Variants in ANGPT1 observed in about 807,000 individuals in gnomAD.
The protein encoded by ANGPT1 is angiopoietin-1.
Under a neutral mutation model 62.2 loss-of-function variants are expected in ANGPT1, and 17 were observed. That is an observed-to-expected ratio of 0.27 (90% CI 0.19 to 0.41). ANGPT1 has a LOEUF of 0.41. Among genes scored for constraint, ANGPT1 ranks in the 10% least tolerant of loss-of-function variants. The pLI is 1.00. For missense variants in ANGPT1, 478 were observed against 594.9 expected, an observed-to-expected ratio of 0.80 and a Z score of 2.04; for synonymous variants, 199 against 198.9, an observed-to-expected ratio of 1.00 and a Z score of 0.00.
At position 107,491,686 on chromosome 8, in the gene ANGPT1, G is replaced by A. The variant is rs548325322; in HGVS notation, c.297+5576C>T. On this transcript the variant is annotated intron_variant, in intron 1 of 8. Coordinates refer to ENST00000517746, the MANE Select transcript of ANGPT1 (RefSeq NM_001146.5). ...ATGTCACTTGAGTGTCTGGAATGTC[G>A]TTTGAAGGTAGTAAATGATGGGGCC... 3.3e-5 allele frequency among the ~76,000 whole-genome samples: 5 copies of A among 152,300 alleles called. No homozygotes were observed. In the South Asian group the frequency reaches 6.2e-4, roughly 19 times the overall value.
Position 107,497,910 on chromosome 8 carries a change from A to C in ANGPT1, c.-352T>G. ...CCCTTTCCTCTACCCTATCTGCTGC[A>C]GATCTGCTATTTTCTCCCAGACCTC... On this transcript the variant is annotated 5_prime_UTR_variant, in exon 1 of 9. Coordinates refer to ENST00000517746, the MANE Select transcript of ANGPT1 (RefSeq NM_001146.5). The C allele has an allele frequency of 2.3e-6, 1 of 432,682 alleles. No individual in the cohort carries two copies. The highest frequency in any genetic ancestry group is 4.1e-6 in the Non-Finnish European group (1 of 246,890). 26.8% of individuals were successfully genotyped at this position (432,682 alleles called of 1,614,324 possible). A position where few individuals can be genotyped will look rare whatever the true frequency, so the allele number is the denominator to read the frequency against.
intron 1 of ANGPT1, among the ~76,000 whole-genome samples, chr8:107,409,980 TCCA>T (rs1817232518): frequency 7.7e-6 from 1 of 130,382 alleles, no homozygotes; most frequent in Non-Finnish European, 1.7e-5. Flanking sequence ...CATCCATCCA[TCCA>T]TCCAACCATC....
At position 107,304,410 on chromosome 8, in the gene ANGPT1, TTTG is replaced by T; in HGVS notation, c.809-1046_809-1044del. Among the ~76,000 whole-genome samples the T allele has an allele frequency of 2.6e-5, 4 of 151,822 alleles. No individual in the cohort carries two copies. The South Asian group carries it at 8.3e-4, about 32-fold the overall frequency. The stretch of plus-strand genomic sequence containing the variant: ...TTCTAGAAATTAAGATTAAGACTAT[TTTG>T]TTATCTTGCCCTTAAAGTTTCCTAT... On this transcript the variant is annotated intron_variant, in intron 4 of 8. Coordinates refer to ENST00000517746, the MANE Select transcript of ANGPT1 (RefSeq NM_001146.5).
At chr8:107,392,138 A>G (rs548763217) in intron 1 of ANGPT1, among the ~76,000 whole-genome samples, 1 of 152,314 alleles carries the variant, frequency 6.6e-6, no homozygotes, top group South Asian at 2.1e-4. Flanking sequence ...ATGTTTATAC[A>G]TATAAATATT....
intron 1 of ANGPT1, among the ~76,000 whole-genome samples, chr8:107,464,918 G>C (rs1298588561): frequency 1.3e-5 from 2 of 152,042 alleles, no homozygotes; most frequent in Admixed American, 1.3e-4. Flanking sequence ...AAACAAAGAG[G>C]ATGCCCAACA....
intron 2 of ANGPT1, chr8:107,336,473 G>A (rs1027809186): frequency 2.9e-6 from 2 of 687,790 alleles, no homozygotes; most frequent in Non-Finnish European, 3.9e-6. Context: ...AGACCATCCT[G>A]GCAAACATGG....
Position 107,279,650 on chromosome 8 carries a change from C to CAG in ANGPT1, c.1205+5030_1205+5031dup, listed in dbSNP as rs1813951184. Among the ~76,000 whole-genome samples, 5 of 151,330 alleles carry CAG rather than the reference C, an allele frequency of 3.3e-5. No individual in the cohort carries two copies. In the South Asian group the frequency reaches 1.0e-3, roughly 32 times the overall value. On this transcript the variant is annotated intron_variant, in intron 7 of 8. Coordinates refer to ENST00000517746, the MANE Select transcript of ANGPT1 (RefSeq NM_001146.5). ...GTGCCTCAAATATAGCTAGCTTAGT[C>CAG]AGTAATTTGGCTAAATTAGTTACAT...
chr8:107,391,310 T>C (rs1816831003), intron 1 of ANGPT1, among the ~76,000 whole-genome samples: 1 of 152,204 alleles, frequency 6.6e-6, no homozygotes, highest in Admixed American at 6.5e-5. Flanking sequence ...GAATCCTGGC[T>C]TAGTCTTTTT....
chr8:107,458,977 CAA>C (rs1478399827), intron 1 of ANGPT1, among the ~76,000 whole-genome samples: 1 of 152,102 alleles, frequency 6.6e-6, no homozygotes, highest in Non-Finnish European at 1.5e-5. Context: ...AGTCAAACTT[CAA>C]AGTCAATGCT....
intron 1 of ANGPT1, among the ~76,000 whole-genome samples, chr8:107,408,803 A>G (rs930780427): frequency 2.0e-5 from 3 of 152,214 alleles, no homozygotes; most frequent in Non-Finnish European, 4.4e-5. Context: ...GGCTAATCAC[A>G]TATCAAAATA....
intron 1 of ANGPT1, among the ~76,000 whole-genome samples, chr8:107,462,039 T>C (rs1283503855): frequency 6.6e-6 from 1 of 152,118 alleles, no homozygotes; most frequent in Non-Finnish European, 1.5e-5. Context: ...CCTTGGACTA[T>C]ATAAACCTTC....
At chr8:107,294,818 A>C (rs1332658087) in intron 5 of ANGPT1, 1 of 152,190 alleles carries the variant, frequency 6.6e-6, no homozygotes, top group African/African-American at 2.4e-5. Flanking sequence ...CAAGAAGAGA[A>C]ACATATCTGT....
At chr8:107,387,262 A>G (rs1281096734) in intron 1 of ANGPT1, among the ~76,000 whole-genome samples, 2 of 152,060 alleles carry the variant, frequency 1.3e-5, no homozygotes, top group Non-Finnish European at 2.9e-5. Context: ...TGACCTGAAG[A>G]TATTCTCCAA....
chr8:107,383,494 T>A (rs1456429672), intron 1 of ANGPT1, among the ~76,000 whole-genome samples: 1 of 152,140 alleles, frequency 6.6e-6, no homozygotes, highest in African/African-American at 2.4e-5. Context: ...GCAGTAACAT[T>A]TGTGGCAGCA....
chr8:107,271,248 A>G (rs968082723), intron 7 of ANGPT1, among the ~76,000 whole-genome samples: 2 of 152,048 alleles, frequency 1.3e-5, no homozygotes, highest in Non-Finnish European at 2.9e-5. Flanking sequence ...CTCATCTGTA[A>G]AATACCTCTA....
At chr8:107,370,237 G>A (rs1369158707) in intron 1 of ANGPT1, among the ~76,000 whole-genome samples, 4 of 122,474 alleles carry the variant, frequency 3.3e-5, no homozygotes, top group African/African-American at 6.1e-5. Context: ...GAAGGAAGAA[G>A]GAAGAAAGAG....
At chr8:107,419,381 C>T (rs1810839025) in intron 1 of ANGPT1, among the ~76,000 whole-genome samples, 1 of 152,154 alleles carries the variant, frequency 6.6e-6, no homozygotes, top group South Asian at 2.1e-4. Flanking sequence ...ACATCCTTAT[C>T]CTCAAAGCTA....
At chr8:107,476,014 G>T (rs1048449885) in intron 1 of ANGPT1, among the ~76,000 whole-genome samples, 74 of 152,204 alleles carry the variant, frequency 4.9e-4, no homozygotes, top group African/African-American at 1.7e-3. Context: ...AACCATTGTG[G>T]AAGACAGTGT....
intron 7 of ANGPT1, among the ~76,000 whole-genome samples, chr8:107,268,680 GGTTA>G (rs1813671015): frequency 6.6e-6 from 1 of 152,026 alleles, no homozygotes; most frequent in Non-Finnish European, 1.5e-5. Context: ...ATATGCTTAA[GGTTA>G]GTGTTTCAGC....
Sources: gnomAD v4.1 joint callset for allele counts (sites outside exome capture counted in the v4.1 genomes callset) on GRCh38, gnomAD v4.1.1 for gene constraint, MANE v1.5 for transcripts, NCBI Gene and HGNC (gene_info 2026-07-23, HGNC 2026-07-21) for gene names.